Variants in CENPF observed in about 807,000 individuals in gnomAD.
CENPF encodes the protein AH antigen.
Under a neutral mutation model 307.3 loss-of-function variants are expected in CENPF, and 214 were observed. The observed-to-expected ratio is 0.70, with a 90% CI of 0.62 to 0.78. The LOEUF (loss-of-function observed/expected upper bound fraction) is 0.78. Among genes scored for constraint, CENPF ranks in the 30% least tolerant of loss-of-function variants. The pLI, the probability that CENPF is intolerant of heterozygous loss-of-function variation, is 0.00. For missense variants in CENPF, 3,401 were observed against 3,483.9 expected (o/e 0.98, Z 0.60); for synonymous variants, 1,259 against 1,270.6 (o/e 0.99, Z 0.19).
chr1:214,615,049 T>C, intron 3 of CENPF, 21 bp downstream of exon 3: 5 of 1,514,746 alleles, frequency 3.3e-6, no homozygotes, highest in African/African-American at 1.4e-5. Context: ...GGGATGGTAT[T>C]TATAGGGATG....
chr1:214,638,556 G>C (rs950256241), intron 11 of CENPF, among the ~76,000 whole-genome samples: 2 of 152,210 alleles, frequency 1.3e-5, no homozygotes, highest in African/African-American at 4.8e-5. Flanking sequence ...TGTGCCGGAT[G>C]TCTTCTACAT....
chr1:214,641,480 GA>G lies in CENPF; in HGVS notation c.3146del (p.Lys1049ArgfsTer5). 2.6e-6 allele frequency: 4 copies of G among 1,529,022 alleles called. No homozygotes were observed. Among genetic ancestry groups the G allele is most frequent in the Non-Finnish European group, 3.5e-6 (4 of 1,145,986 alleles). 94.7% of individuals were successfully genotyped at this position (1,529,022 alleles called of 1,614,324 possible). ...TAGTCAAAAATACAAAGCAGCACAG[GA>G]AAAGAATTCTAAATTAGAATGCTTG... ...DLSQKYKAAQ[E>X]KNSKLECLLN... is the part of the protein sequence containing the mutation. On this transcript the variant is annotated frameshift_variant, in exon 12 of 20. Transcript: ENST00000366955. LOFTEE classifies it high-confidence loss of function.
intron 7 of CENPF, among the ~76,000 whole-genome samples, chr1:214,626,920 T>C (rs779152122): frequency 7.9e-5 from 12 of 152,230 alleles, no homozygotes; most frequent in Non-Finnish European, 1.2e-4. Flanking sequence ...ACACTTTACT[T>C]ATTTGGTTTT....
At position 214,656,976 on chromosome 1, in the gene CENPF, C is replaced by T. The variant is rs748345107; in HGVS notation, c.8529C>T (p.Ile2843=). 2 of 1,612,588 alleles carry T rather than the reference C, an allele frequency of 1.2e-6. No individual in the cohort carries two copies. Among genetic ancestry groups the T allele is most frequent in the African/African-American group, 2.7e-5 (2 of 74,866 alleles). Residue 2843 remains isoleucine, a synonymous_variant, in exon 18 of 20, where the codon ATC becomes ATT. Coordinates refer to ENST00000366955, the MANE Select transcript of CENPF (RefSeq NM_016343.4). ...DTKVDELTTE[I]KELKETLEEK... ...AGGTCGATGAATTAACAACTGAGAT[C>T]AAAGAACTGAAAGAAACTCTTGAAG...
At chr1:214,658,402 C>T (rs1400943290) in intron 18 of CENPF, among the ~76,000 whole-genome samples, 1 of 152,020 alleles carries the variant, frequency 6.6e-6, no homozygotes, top group African/African-American at 2.4e-5. Flanking sequence ...AGAGTGCTGG[C>T]CTGAAGTAGC....
At chr1:214,607,171 C>T (rs1484856158) in intron 1 of CENPF, among the ~76,000 whole-genome samples, 1 of 152,236 alleles carries the variant, frequency 6.6e-6, no homozygotes, top group Non-Finnish European at 1.5e-5. Context: ...CAGCCCAGCC[C>T]TGTCACCTGC....
chr1:214,619,339 T>C (rs1657444965), intron 5 of CENPF, 119 bp downstream of exon 5: 1 of 546,460 alleles, frequency 1.8e-6, no homozygotes, highest in Non-Finnish European at 3.2e-6. Flanking sequence ...TGTGTGTGTG[T>C]GCTGAGAAAA....
intron 5 of CENPF, among the ~76,000 whole-genome samples, chr1:214,620,237 T>A (rs1657468607): frequency 6.6e-6 from 1 of 152,216 alleles, no homozygotes. Context: ...GTGAGATTTT[T>A]GAAAGAGTTC....
At position 214,664,569 on chromosome 1, in the gene CENPF, T is replaced by G. The variant is rs1190460445; in HGVS notation, c.*775T>G. ...ATAAAATAGTCGCCTTCGTTTTCTG[T>G]AAGAATGATTCCTAAGTGTAAAGGC... is the stretch of plus-strand genomic sequence containing the variant. On this transcript the variant is annotated 3_prime_UTR_variant, in exon 20 of 20. Transcript: ENST00000366955. 6.6e-6 allele frequency: 1 copy of G among 152,236 alleles called. No individual in the cohort carries two copies. Among genetic ancestry groups the G allele is most frequent in the Admixed American group, 6.5e-5 (1 of 15,288 alleles). The allele number at this position is 152,236 out of a possible 1,614,324, so 9.4% of individuals were successfully genotyped here. A position where few individuals can be genotyped will look rare whatever the true frequency, so the allele number is the denominator to read the frequency against.
At position 214,663,876 on chromosome 1, in the gene CENPF, A is replaced by G; in HGVS notation, c.*82A>G. On this transcript the variant is annotated 3_prime_UTR_variant, in exon 20 of 20. Coordinates refer to ENST00000366955, the MANE Select transcript of CENPF (RefSeq NM_016343.4). ...GTGCCTACAGGACTTCTCTTTAGTC[A>G]GGGCATGCTTTATTAGTGAGGAGAA... The G allele has an allele frequency of 9.2e-7, 1 of 1,091,506 alleles. No individual in the cohort carries two copies. The highest frequency in any genetic ancestry group is 2.6e-5 in the East Asian group (1 of 39,064). 67.6% of individuals were successfully genotyped at this position (1,091,506 alleles called of 1,614,324 possible).
chr1:214,619,739 T>G (rs570534245), intron 5 of CENPF, among the ~76,000 whole-genome samples: 3 of 152,312 alleles, frequency 2.0e-5, no homozygotes, highest in African/African-American at 7.2e-5. Context: ...AAGGCTGAAT[T>G]TATAAGTAGG....
intron 3 of CENPF, among the ~76,000 whole-genome samples, chr1:214,615,807 C>T (rs1008904659): frequency 4.6e-5 from 7 of 151,928 alleles, no homozygotes; most frequent in African/African-American, 1.5e-4. Context: ...GGTGTAGTGG[C>T]GGGCACCTCT....
rs865962387 is a variant in CENPF, at chr1:214,659,650, T to G, written c.9141+622T>G. On this transcript the variant is annotated intron_variant, in intron 19 of 19. Transcript: ENST00000366955. This position sits in a 1 kb window ranked among gnomAD's most constrained non-coding sequence, Gnocchi z 4.4. Reference sequence around the variant, plus strand: ...TGTTACTATGATCCATACCAGCAGCTGCCATTTAAGTATGCAAAGTATATG... The same window carrying G: ...TGTTACTATGATCCATACCAGCAGCGGCCATTTAAGTATGCAAAGTATATG... Among the ~76,000 whole-genome samples, 26 of 152,204 alleles carry G rather than the reference T, an allele frequency of 1.7e-4. No individual in the cohort carries two copies. The highest frequency in any genetic ancestry group is 5.8e-4 in the African/African-American group (24 of 41,436).
At position 214,640,273 on chromosome 1, in the gene CENPF, T is replaced by A. The variant is rs1464514676; in HGVS notation, c.1935T>A (p.Asn645Lys). 1 of 1,613,680 alleles carries A rather than the reference T, an allele frequency of 6.2e-7. No individual in the cohort carries two copies. The highest frequency in any genetic ancestry group is 8.5e-7 in the Non-Finnish European group (1 of 1,179,974). The change falls in exon 12 of 20, where the codon AAT becomes AAA. Residue 645 changes from asparagine to lysine, a missense_variant. Coordinates refer to ENST00000366955, the MANE Select transcript of CENPF (RefSeq NM_016343.4). ...SEKENLQSKI[N>K]HLETCLKTQQ... The stretch of plus-strand genomic sequence containing the variant: ...AGGAAAACTTGCAGAGTAAAATTAA[T>A]CACTTGGAAACTTGTCTGAAGACAC...
intron 1 of CENPF, chr1:214,605,624 T>C (rs1657002520): frequency 8.2e-6 from 12 of 1,459,262 alleles, no homozygotes; most frequent in Non-Finnish European, 1.0e-5. Context: ...CGGCGCGGGG[T>C]GAGGTCCGGG....
intron 1 of CENPF, among the ~76,000 whole-genome samples, chr1:214,611,612 C>T (rs1209507662): frequency 7.2e-5 from 11 of 152,200 alleles, no homozygotes; most frequent in Admixed American, 2.0e-4. Context: ...GTGATCTGCC[C>T]GCCTCAGCCT....
In CENPF at chr1:214,641,309, A is replaced by C; in HGVS notation, c.2971A>C (p.Met991Leu). 2 of 1,610,014 alleles carry C rather than the reference A, an allele frequency of 1.2e-6. No homozygotes were observed. Among genetic ancestry groups the C allele is most frequent in the Non-Finnish European group, 1.7e-6 (2 of 1,179,078 alleles). The part of the protein sequence containing the change: ...EINASLNQEK[M>L]NLIQKSESFA... ...TAATGCATCCTTAAATCAAGAGAAG[A>C]TGAACTTAATCCAGAAAAGTGAGAG... Residue 991 changes from methionine (M) to leucine (L), a missense_variant, in exon 12 of 20, where the codon ATG becomes CTG. Physicochemically the swap from Met to Leu is conservative, Grantham distance 15 (BLOSUM62 2). Transcript: ENST00000366955.
chr1:214,632,709 T>A, intron 10 of CENPF, 107 bp downstream of exon 10: 1 of 1,299,346 alleles, frequency 7.7e-7, no homozygotes, highest in Non-Finnish European at 1.0e-6. Context: ...ACTGTGTGCC[T>A]TTTTCTTTTC....
At chr1:214,658,694 G>A (rs1236783245) in intron 18 of CENPF, among the ~76,000 whole-genome samples, 156 bp from the exon 19 acceptor site, 2 of 152,148 alleles carry the variant, frequency 1.3e-5, no homozygotes, top group Non-Finnish European at 2.9e-5. Context: ...GTGACTCCCA[G>A]GGCAACTGTG....
Sources: allele counts gnomAD v4.1 joint callset (sites outside exome capture counted in the v4.1 genomes callset), GRCh38; gene constraint gnomAD v4.1.1; non-coding constraint Gnocchi (gnomAD v3.1); transcripts MANE v1.5; gene names NCBI Gene and HGNC (gene_info 2026-07-23, HGNC 2026-07-21).